XIRP2: variants seen among roughly 807,000 people sequenced by gnomAD.
XIRP2 encodes xin actin binding repeat containing 2.
XIRP2 carries 236 observed loss-of-function variants against 277.0 expected under a neutral mutation model. The ratio of observed to expected loss-of-function variants is 0.85; its 90% CI spans 0.77 to 0.95. The LOEUF (loss-of-function observed/expected upper bound fraction) is 0.95. Ranked by LOEUF, XIRP2 falls within the 40% of genes least tolerant of loss-of-function variation. The probability of loss-of-function intolerance (pLI) is 0.00; values close to 1 mark genes in which losing one functional copy is unlikely to be tolerated. For missense variants in XIRP2, 4,640 were observed against 4,157.5 expected, an observed-to-expected ratio of 1.12 and a Z score of -3.19; for synonymous variants, 1,490 against 1,416.5, an observed-to-expected ratio of 1.05 and a Z score of -1.17.
chr2:167,027,027 T>C (rs984916846), intron 2 of XIRP2, among the ~76,000 whole-genome samples: 5 of 152,108 alleles, frequency 3.3e-5, no homozygotes, highest in African/African-American at 1.2e-4. Context: ...GTTCTCTATA[T>C]TTCCTGAATG....
chr2:167,096,000 A>G (rs1246601502), intron 2 of XIRP2, among the ~76,000 whole-genome samples: 1 of 150,054 alleles, frequency 6.7e-6, no homozygotes, highest in Non-Finnish European at 1.5e-5. Flanking sequence ...CTGCCTCCCA[A>G]GTAGCTGGGA....
chr2:166,956,381 A>G (rs967630182), intron 2 of XIRP2, among the ~76,000 whole-genome samples: 1 of 151,840 alleles, frequency 6.6e-6, no homozygotes, highest in Non-Finnish European at 1.5e-5. Context: ...ACCTGGTGTC[A>G]TTTAACTAAG....
intron 2 of XIRP2, among the ~76,000 whole-genome samples, chr2:167,059,843 A>C (rs953444317): frequency 6.6e-6 from 1 of 152,216 alleles, no homozygotes; most frequent in African/African-American, 2.4e-5. Flanking sequence ...GACATCAGCA[A>C]GCATGATGCT....
intron 2 of XIRP2, among the ~76,000 whole-genome samples, chr2:167,062,909 AT>A (rs141283841): frequency 1.5e-4 from 23 of 150,854 alleles, no homozygotes; most frequent in Non-Finnish European, 2.5e-4. Flanking sequence ...GGGTTGATTG[AT>A]TTTTTTCCTA....
At chr2:167,148,007 A>G (rs1472875493) in intron 3 of XIRP2, among the ~76,000 whole-genome samples, 2 of 152,188 alleles carry the variant, frequency 1.3e-5, no homozygotes, top group African/African-American at 2.4e-5. Context: ...TTTTAGGAGT[A>G]AAAAATTAAA....
At chr2:167,005,225 A>G (rs1687476475) in intron 2 of XIRP2, among the ~76,000 whole-genome samples, 1 of 151,898 alleles carries the variant, frequency 6.6e-6, no homozygotes, top group Non-Finnish European at 1.5e-5. Context: ...CATCCTAAAT[A>G]CACATACTCT....
intron 2 of XIRP2, among the ~76,000 whole-genome samples, chr2:167,102,609 T>C (rs971149483): frequency 6.6e-6 from 1 of 152,200 alleles, no homozygotes; most frequent in South Asian, 2.1e-4. Flanking sequence ...AAATGGTAAC[T>C]ATACCATTGT....
At chr2:167,088,627 C>T (rs1040746720) in intron 2 of XIRP2, among the ~76,000 whole-genome samples, 2 of 152,128 alleles carry the variant, frequency 1.3e-5, no homozygotes, top group Non-Finnish European at 2.9e-5. Context: ...AATCACAGGG[C>T]CAATGGCTTT....
chr2:166,938,520 T>C (rs1685586468), intron 2 of XIRP2, among the ~76,000 whole-genome samples: 1 of 152,216 alleles, frequency 6.6e-6, no homozygotes, highest in Non-Finnish European at 1.5e-5. Flanking sequence ...TCCAACTATG[T>C]GGTCAATTTT....
At chr2:167,070,696 A>G (rs1558968519) in intron 2 of XIRP2, among the ~76,000 whole-genome samples, 1 of 152,162 alleles carries the variant, frequency 6.6e-6, no homozygotes, top group Non-Finnish European at 1.5e-5. Context: ...AGAGGCAGAC[A>G]ATATGTCTGT....
At chr2:167,087,258 G>T (rs1183535518) in intron 2 of XIRP2, among the ~76,000 whole-genome samples, 9 of 152,206 alleles carry the variant, frequency 5.9e-5, no homozygotes, top group Non-Finnish European at 1.5e-5. Context: ...GCTGCTCGGA[G>T]GTCAGGGGTC....
intron 3 of XIRP2, among the ~76,000 whole-genome samples, chr2:167,153,871 A>T (rs1307908843): frequency 6.6e-6 from 1 of 151,070 alleles, no homozygotes. Context: ...ATAAACATAC[A>T]TGTGCATGTG....
In XIRP2 at chr2:167,245,940, A is replaced by G; in HGVS notation, c.4548A>G (p.Glu1516=). The change falls in exon 9 of 11, where the codon GAA becomes GAG. Residue 1516 remains glutamate (E), a synonymous_variant. Coordinates refer to ENST00000409195, the MANE Select transcript of XIRP2 (RefSeq NM_152381.6). ...HKGITKMTKE[E]IPPSDVKTTT... ...GTATCACAAAAATGACCAAGGAAGA[A>G]ATCCCTCCTTCTGATGTCAAAACAA... 6.2e-7 allele frequency: 1 copy of G among 1,613,702 alleles called. No homozygotes were observed. Among genetic ancestry groups the G allele is most frequent in the South Asian group, 1.1e-5 (1 of 91,050 alleles).
intron 2 of XIRP2, among the ~76,000 whole-genome samples, chr2:167,130,949 C>T (rs562897197): frequency 6.6e-6 from 1 of 152,208 alleles, no homozygotes; most frequent in East Asian, 1.9e-4. Flanking sequence ...ATATTACCAA[C>T]TTCAAATGGG....
chr2:167,141,721 G>A (rs1375223880), intron 3 of XIRP2, among the ~76,000 whole-genome samples: 3 of 152,000 alleles, frequency 2.0e-5, no homozygotes, highest in Non-Finnish European at 4.4e-5. Context: ...AATTAGCTGG[G>A]CTTGCGGCAC....
chr2:167,118,792 G>T (rs1690970672), intron 2 of XIRP2, among the ~76,000 whole-genome samples: 1 of 152,090 alleles, frequency 6.6e-6, no homozygotes, highest in Non-Finnish European at 1.5e-5. Context: ...AACAAACAAA[G>T]ACAGAGGTTA....
intron 2 of XIRP2, among the ~76,000 whole-genome samples, chr2:167,032,050 A>G (rs1398166817): frequency 6.6e-6 from 1 of 152,216 alleles, no homozygotes. Flanking sequence ...CTGACTTCAA[A>G]CTATACTACA....
intron 5 of XIRP2, among the ~76,000 whole-genome samples, chr2:167,239,645 TC>T (rs1694996112): frequency 6.6e-6 from 1 of 152,192 alleles, no homozygotes; most frequent in Admixed American, 6.5e-5. Flanking sequence ...GAAGACTCAT[TC>T]AGGGCTTCTG....
intron 2 of XIRP2, among the ~76,000 whole-genome samples, chr2:167,104,892 A>G (rs913992226): frequency 6.6e-6 from 1 of 151,990 alleles, no homozygotes; most frequent in Non-Finnish European, 1.5e-5. Context: ...TTCTGCGCAT[A>G]TCTTTTAGCT....
Sources: allele counts gnomAD v4.1 joint callset (sites outside exome capture counted in the v4.1 genomes callset), GRCh38; gene constraint gnomAD v4.1.1; transcripts MANE v1.5; gene names NCBI Gene and HGNC (gene_info 2026-07-23, HGNC 2026-07-21).